UTRN: variants seen among roughly 807,000 people sequenced by gnomAD.
The protein encoded by UTRN is utrophin, also known as dystrophin-related protein 1.
A neutral mutation model predicts 463.9 loss-of-function variants in UTRN; 283 were observed. The ratio of observed to expected loss-of-function variants is 0.61; its 90% CI spans 0.55 to 0.67. UTRN has a LOEUF of 0.67. Ranked by LOEUF, UTRN falls within the 30% of genes least tolerant of loss-of-function variation. The pLI is 0.00. For synonymous variants in UTRN, 1,442 were observed against 1,431.5 expected, an observed-to-expected ratio of 1.01 and a Z score of -0.17; for missense variants, 3,922 against 4,084.3, an observed-to-expected ratio of 0.96 and a Z score of 1.08.
intron 72 of UTRN, 71 bp from the exon 73 acceptor site, chr6:144,840,668 GA>G (rs1279482599): frequency 6.5e-7 from 1 of 1,546,102 alleles, no homozygotes; most frequent in African/African-American, 1.4e-5. Context: ...ATTTCCTCCT[GA>G]ATTTGGGTTT....
intron 2 of UTRN, among the ~76,000 whole-genome samples, chr6:144,364,966 C>T (rs1390235598): frequency 6.6e-6 from 1 of 152,224 alleles, no homozygotes; most frequent in Non-Finnish European, 1.5e-5. Context: ...CAGGCTAACC[C>T]AAGATAACCT....
intron 54 of UTRN, among the ~76,000 whole-genome samples, chr6:144,734,718 A>T (rs1229878670): frequency 1.3e-5 from 2 of 152,180 alleles, no homozygotes; most frequent in South Asian, 2.1e-4. Context: ...CCCTTGGATG[A>T]TTGCAGGTTC....
chr6:144,708,212 A>C (rs894522503), intron 53 of UTRN: 2 of 600,472 alleles, frequency 3.3e-6, no homozygotes, highest in Non-Finnish European at 6.3e-6. Flanking sequence ...GCTTGAAGAG[A>C]ATCTTGTAAA....
At chr6:144,797,111 T>TAA (rs1777290711) in intron 63 of UTRN, among the ~76,000 whole-genome samples, 1 of 152,208 alleles carries the variant, frequency 6.6e-6, no homozygotes, top group African/African-American at 2.4e-5. Context: ...TGACAGCTTT[T>TAA]ATTTAGCATT....
chr6:144,286,240 T>A lies in UTRN; in HGVS notation c.-93+419T>A, dbSNP rs1237016076. The stretch of plus-strand genomic sequence containing the variant: ...ATTTGCAAGAGGGGACGTGGCCTCT[T>A]AGGAGAGTCTGTCACAGACACCCGG... On this transcript the variant is annotated intron_variant, in intron 1 of 74. Coordinates refer to ENST00000367545, the MANE Select transcript of UTRN (RefSeq NM_007124.3). This position sits in a 1 kb window ranked among gnomAD's most constrained non-coding sequence, Gnocchi z 4.4. Among the ~76,000 whole-genome samples the A allele has an allele frequency of 6.6e-6, 1 of 150,916 alleles. No individual in the cohort carries two copies. The highest frequency in any genetic ancestry group is 1.5e-5 in the Non-Finnish European group (1 of 67,986).
intron 66 of UTRN, among the ~76,000 whole-genome samples, chr6:144,825,620 A>C (rs1273233807): frequency 6.6e-6 from 1 of 152,150 alleles, no homozygotes; most frequent in East Asian, 1.9e-4. Flanking sequence ...GAACCAGTCA[A>C]GCAATTTGAC....
chr6:144,830,568 A>G (rs1345505262), intron 69 of UTRN, among the ~76,000 whole-genome samples: 3 of 152,218 alleles, frequency 2.0e-5, no homozygotes, highest in African/African-American at 7.2e-5. Flanking sequence ...TTTCACTAAT[A>G]TCTATGCCCT....
chr6:144,548,969 TC>T (rs1798662633), intron 47 of UTRN, 115 bp downstream of exon 47: 1 of 1,061,434 alleles, frequency 9.4e-7, no homozygotes, highest in African/African-American at 1.6e-5. Flanking sequence ...TTTAAAAAAT[TC>T]TGTATCTGTC....
At chr6:144,742,313 T>A (rs975562312) in intron 54 of UTRN, among the ~76,000 whole-genome samples, 7 of 152,100 alleles carry the variant, frequency 4.6e-5, no homozygotes, top group Non-Finnish European at 7.4e-5. Flanking sequence ...TCATAATGAG[T>A]GGTTGTCATC....
intron 55 of UTRN, 55 bp from the exon 56 acceptor site, chr6:144,751,751 A>G (rs1791424690): frequency 1.3e-6 from 2 of 1,505,218 alleles, no homozygotes; most frequent in African/African-American, 1.4e-5. Context: ...GATCAACTGT[A>G]TTAGCTTTTG....
rs767275957 is a variant in UTRN, at chr6:144,491,108, G to A, written c.4437+6G>A. 3.8e-6 allele frequency: 6 copies of A among 1,589,178 alleles called. No individual in the cohort carries two copies. The East Asian group carries it at 9.0e-5, about 24-fold the overall frequency. On this transcript the variant is annotated splice_donor_region_variant and intron_variant, in intron 32 of 74. Transcript: ENST00000367545. ...CGCACCTGGACAAGTGTATGGTGAG[G>A]CTTTTGGGTGATTGGCACATCCAGT...
At chr6:144,514,103 T>C (rs1180208813) in intron 36 of UTRN, 66 bp downstream of exon 36, 5 of 1,596,304 alleles carry the variant, frequency 3.1e-6, no homozygotes, top group Non-Finnish European at 4.3e-6. Context: ...TTTTCTCTTC[T>C]GGAATGCTCT....
chr6:144,726,770 T>C (rs1787923896), intron 53 of UTRN, among the ~76,000 whole-genome samples: 2 of 152,146 alleles, frequency 1.3e-5, no homozygotes, highest in African/African-American at 4.8e-5. Context: ...ATCTGTGATA[T>C]GGCTAAATCT....
At chr6:144,748,679 C>G (rs999948997) in intron 55 of UTRN, among the ~76,000 whole-genome samples, 165 bp downstream of exon 55, 2 of 152,226 alleles carry the variant, frequency 1.3e-5, no homozygotes, top group African/African-American at 2.4e-5. Flanking sequence ...CCATATGACC[C>G]TCATTGGGGT....
intron 46 of UTRN, among the ~76,000 whole-genome samples, chr6:144,547,234 T>C (rs1798496689): frequency 6.6e-6 from 1 of 152,224 alleles, no homozygotes; most frequent in Non-Finnish European, 1.5e-5. Context: ...GGATTGTCTT[T>C]AGATGATTTT....
rs747106591 is a variant in UTRN at position 144,522,150 on chromosome 6, T to C, written c.5712T>C (p.Ser1904=). The C allele has an allele frequency of 3.9e-6, 6 of 1,540,348 alleles. No individual in the cohort carries two copies. The Admixed American group carries it at 1.2e-4, about 30-fold the overall frequency. ...ELNTAIYEDF[S]FQEDSLKNIK... ...ACACTGCTATTTACGAAGACTTCTC[T>C]TTTCAGGAAGACTCTCTGAAGGTAG... is the stretch of plus-strand genomic sequence containing the variant. Residue 1904 remains serine, a synonymous_variant, in exon 40 of 75, where the codon TCT becomes TCC. Transcript: ENST00000367545.
chr6:144,433,398 C>T (rs1342294919), intron 9 of UTRN, among the ~76,000 whole-genome samples: 24 of 151,666 alleles, frequency 1.6e-4, no homozygotes, highest in Non-Finnish European at 2.8e-4. Context: ...GGGTGGCTGC[C>T]GGGCGGAGAC....
At chr6:144,684,980 C>T (rs1782601238) in intron 52 of UTRN, among the ~76,000 whole-genome samples, 1 of 152,234 alleles carries the variant, frequency 6.6e-6, no homozygotes, top group East Asian at 1.9e-4. Context: ...GAGTACTGTA[C>T]ATTGTACCCA....
At chr6:144,553,283 C>A (rs1799085077) in intron 48 of UTRN, among the ~76,000 whole-genome samples, 1 of 152,168 alleles carries the variant, frequency 6.6e-6, no homozygotes, top group African/African-American at 2.4e-5. Context: ...GGTGATCCAC[C>A]TGCCTCGGCC....
Sources: gnomAD v4.1 joint callset for allele counts (sites outside exome capture counted in the v4.1 genomes callset) on GRCh38, gnomAD v4.1.1 for gene constraint, Gnocchi (gnomAD v3.1) non-coding constraint, MANE v1.5 for transcripts, NCBI Gene and HGNC (gene_info 2026-07-23, HGNC 2026-07-21) for gene names.